The following AKAP9 variants were observed in gnomAD, a reference collection of about 807,000 sequenced individuals.
The protein encoded by AKAP9 is A-kinase anchor protein 9.
AKAP9 carries 311 observed loss-of-function variants against 488.5 expected under a neutral mutation model. The ratio of observed to expected loss-of-function variants is 0.64; its 90% CI spans 0.58 to 0.70. AKAP9 has a LOEUF of 0.70. Ranked by LOEUF, AKAP9 falls within the 30% of genes least tolerant of loss-of-function variation. AKAP9 has a pLI of 0.00. For synonymous variants in AKAP9, 1,462 were observed against 1,483.5 expected (o/e 0.99, Z 0.33); for missense variants, 4,215 against 4,374.5 (o/e 0.96, Z 1.03).
chr7:91,969,095 G>A (rs1325767175), intron 1 of AKAP9, among the ~76,000 whole-genome samples: 1 of 151,864 alleles, frequency 6.6e-6, no homozygotes, highest in Non-Finnish European at 1.5e-5. Flanking sequence ...AAATCTTGTT[G>A]CCCAGGTTGG....
rs768686908 is a variant in AKAP9, at chr7:92,001,745, G to A, written c.1828G>A (p.Val610Met). 6.8e-6 allele frequency: 11 copies of A among 1,613,260 alleles called. No individual in the cohort carries two copies. Among genetic ancestry groups the A allele is most frequent in the Admixed American group, 6.7e-5 (4 of 59,948 alleles). The change falls in exon 8 of 50, where the codon GTG (valine) becomes ATG (methionine). Residue 610 changes from valine to methionine, a missense_variant. By Grantham distance (21) the Val-to-Met change is conservative. Transcript: ENST00000356239. ...LEMLEKEKNA[V>M]LDRMAESQEA... Reference sequence around the variant, plus strand: ...AATGTTAGAAAAAGAAAAGAATGCTGTGTTAGACAGAATGGCTGAATCACA... The same window carrying A: ...AATGTTAGAAAAAGAAAAGAATGCTATGTTAGACAGAATGGCTGAATCACA...
intron 7 of AKAP9, among the ~76,000 whole-genome samples, chr7:91,998,659 G>A (rs112638493): frequency 6.6e-6 from 1 of 151,644 alleles, no homozygotes; most frequent in Non-Finnish European, 1.5e-5. Flanking sequence ...TCAGGAAACA[G>A]AAAAGTTAAA....
intron 21 of AKAP9, among the ~76,000 whole-genome samples, chr7:92,050,558 G>C (rs929714032): frequency 6.6e-6 from 1 of 152,048 alleles, no homozygotes; most frequent in South Asian, 2.1e-4. Context: ...TCTTGAAGCC[G>C]TCTCTTTTTG....
At chr7:91,974,709 A>G (rs1795450399) in intron 2 of AKAP9, among the ~76,000 whole-genome samples, 4 of 152,128 alleles carry the variant, frequency 2.6e-5, no homozygotes, top group African/African-American at 7.2e-5. Context: ...CATCTTAACA[A>G]TATTAAGTTT....
At chr7:92,017,838 GC>G (rs1333121730) in intron 12 of AKAP9, among the ~76,000 whole-genome samples, 15 of 151,986 alleles carry the variant, frequency 9.9e-5, no homozygotes, top group Admixed American at 2.0e-4. Context: ...CTGTTTCTGT[GC>G]AATTAAGTAC....
chr7:91,943,683 C>T (rs897089152), intron 1 of AKAP9, among the ~76,000 whole-genome samples: 1 of 152,094 alleles, frequency 6.6e-6, no homozygotes, highest in South Asian at 2.1e-4. Context: ...TAATATAATG[C>T]CTTTCAAATA....
chr7:92,076,241 A>C (rs1812563430), intron 28 of AKAP9, among the ~76,000 whole-genome samples: 1 of 152,188 alleles, frequency 6.6e-6, no homozygotes, highest in Non-Finnish European at 1.5e-5. Context: ...AAAATGATTA[A>C]ATAAATTTCT....
chr7:92,005,751 C>T (rs189086425), intron 8 of AKAP9, among the ~76,000 whole-genome samples: 5 of 152,166 alleles, frequency 3.3e-5, no homozygotes, highest in African/African-American at 9.6e-5. Context: ...CTACAACCTC[C>T]GCCTCCCGGG....
intron 3 of AKAP9, among the ~76,000 whole-genome samples, chr7:91,982,185 ATG>A: frequency 6.8e-6 from 1 of 147,578 alleles, no homozygotes; most frequent in African/African-American, 2.7e-5. Flanking sequence ...GTATGTATGT[ATG>A]TATGTATGTA....
At chr7:91,948,995 C>G (rs1194729212) in intron 1 of AKAP9, among the ~76,000 whole-genome samples, 1 of 152,154 alleles carries the variant, frequency 6.6e-6, no homozygotes, top group Non-Finnish European at 1.5e-5. Context: ...AGGTGATCTG[C>G]CCACCTCGGC....
rs1036949055 is a variant in AKAP9, at chr7:92,042,776, A to G, written c.5162+5A>G. 3.2e-6 allele frequency: 5 copies of G among 1,579,138 alleles called. No homozygotes were observed. The highest frequency in any genetic ancestry group is 4.4e-6 in the Non-Finnish European group (5 of 1,149,240). ...TGAGATTTTGTCTAATGAAAGGTAT[A>G]CAAAATGTGTACTTTTTCAGTGCAA... is the stretch of plus-strand genomic sequence containing the variant. On this transcript the variant is annotated splice_donor_5th_base_variant and intron_variant, in intron 20 of 49. Transcript: ENST00000356239.
In AKAP9 at chr7:91,947,808, G is replaced by A. The variant is rs113624485; in HGVS notation, c.48+6661G>A. Among the ~76,000 whole-genome samples, 5 of 152,180 alleles carry A rather than the reference G, an allele frequency of 3.3e-5. 1 individual carries two copies. Among genetic ancestry groups the A allele is most frequent in the African/African-American group, 1.2e-4 (5 of 41,506 alleles). ...AGAAGCTATAATTTTTTTTAATTGA[G>A]GTGAAATTCATAAGCAAAATTAACC... On this transcript the variant is annotated intron_variant, in intron 1 of 49. Coordinates refer to ENST00000356239, the MANE Select transcript of AKAP9 (RefSeq NM_005751.5).
At chr7:91,961,194 C>T (rs369524425) in intron 1 of AKAP9, among the ~76,000 whole-genome samples, 1 of 151,588 alleles carries the variant, frequency 6.6e-6, no homozygotes, top group African/African-American at 2.4e-5. Context: ...GAGTCTCACT[C>T]TGTTGCCCAG....
rs749716292 is a variant in AKAP9 at position 92,083,185 on chromosome 7, A to G, written c.8176A>G (p.Met2726Val). The change falls in exon 33 of 50, where the codon ATG (methionine) becomes GTG (valine). Residue 2726 changes from methionine (M) to valine (V), a missense_variant. This residue lies in a region of AKAP9 where 1,476 missense variants were observed against 1,477.4 expected (regional missense o/e 1.00). Transcript: ENST00000356239. ...TACGTTTTAGGTAAAAGAAACAAAT[A>G]TGACATCTCTTCAGAAAGACTTAAG... ...QEELLVKETN[M>V]TSLQKDLSQV... is the part of the protein sequence containing the mutation. 1.2e-6 allele frequency: 2 copies of G among 1,614,004 alleles called. No homozygotes were observed. The highest frequency in any genetic ancestry group is 1.3e-5 in the African/African-American group (1 of 75,048).
At chr7:91,963,558 C>G (rs530792393) in intron 1 of AKAP9, among the ~76,000 whole-genome samples, 2 of 152,006 alleles carry the variant, frequency 1.3e-5, no homozygotes, top group Admixed American at 1.3e-4. Flanking sequence ...TGCTCTGTCG[C>G]CCAGGCTAGA....
At chr7:92,066,387 T>A (rs1358603545) in intron 25 of AKAP9, 40 bp from the exon 26 acceptor site, 1 of 1,608,954 alleles carries the variant, frequency 6.2e-7, no homozygotes, top group African/African-American at 1.3e-5. Context: ...CTCTAAATAC[T>A]GTTTCTTCAG....
At chr7:92,062,787 G>T (rs1462745928) in intron 24 of AKAP9, among the ~76,000 whole-genome samples, 2 of 152,024 alleles carry the variant, frequency 1.3e-5, no homozygotes, top group South Asian at 2.1e-4. Context: ...TTTAAAAATT[G>T]TGTAAGGTTT....
Position 92,096,945 on chromosome 7 carries a change from G to A in AKAP9, c.9986G>A (p.Ser3329Asn). The change falls in exon 41 of 50, where the codon AGT (serine) becomes AAT (asparagine). Residue 3329 changes from serine (S) to asparagine (N), a missense_variant. Ser to Asn is a conservative substitution (Grantham distance 46). This residue lies in a region of AKAP9 where 1,476 missense variants were observed against 1,477.4 expected (regional missense o/e 1.00). Coordinates refer to ENST00000356239, the MANE Select transcript of AKAP9 (RefSeq NM_005751.5). ...GAATTGCACGCACAGCTGCAGAGCA[G>A]TGATGGTACTGGACAGTCTCGGCCA... ...ERELHAQLQS[S>N]DGTGQSRPPL... 2.5e-6 allele frequency: 4 copies of A among 1,614,244 alleles called. No individual in the cohort carries two copies. The highest frequency in any genetic ancestry group is 3.4e-6 in the Non-Finnish European group (4 of 1,180,042).
At position 92,002,689 on chromosome 7, in the gene AKAP9, A is replaced by G. The variant is rs773259109; in HGVS notation, c.2772A>G (p.Val924=). The stretch of plus-strand genomic sequence containing the variant: ...TCTTTGATGAAGACAAAACTTTTGT[A>G]GCAGAAACATTGGAAATGGGTGAGG... ...SSVFDEDKTF[V]AETLEMGEVV... Residue 924 remains valine (V), a synonymous_variant, in exon 8 of 50, where the codon GTA becomes GTG. Transcript: ENST00000356239. 5 of 1,613,484 alleles carry G rather than the reference A, an allele frequency of 3.1e-6. No homozygotes were observed.
Sources: gnomAD v4.1 joint callset for allele counts (sites outside exome capture counted in the v4.1 genomes callset) on GRCh38, gnomAD v4.1.1 for gene constraint, gnomAD v4.1.1 regional missense constraint, MANE v1.5 for transcripts, NCBI Gene and HGNC (gene_info 2026-07-23, HGNC 2026-07-21) for gene names.